TBCD: variants seen among roughly 807,000 people sequenced by gnomAD.
TBCD encodes tubulin-specific chaperone D.
TBCD carries 105 observed loss-of-function variants against 169.3 expected under a neutral mutation model. The observed-to-expected ratio is 0.62, with a 90% CI of 0.53 to 0.73. TBCD has a LOEUF of 0.73. TBCD is among the 30% of genes least tolerant of loss of function. TBCD has a pLI of 0.00. For missense variants in TBCD, 1,444 were observed against 1,600.1 expected (o/e 0.90, Z 1.66); for synonymous variants, 700 against 643.9 (o/e 1.09, Z -1.32).
In TBCD at chr17:82,772,855, G is replaced by T. The variant is rs768328625; in HGVS notation, c.638+348G>T. ...GAAACATCTCGGGCCGTCTCCCATG[G>T]AGATGATGGGTGGTGTTGGGCCTCT... On this transcript the variant is annotated intron_variant, in intron 6 of 38. Transcript: ENST00000355528. Among the ~76,000 whole-genome samples the T allele has an allele frequency of 2.3e-3, 357 of 152,250 alleles. 4 individuals carry two copies. The highest frequency in any genetic ancestry group is 1.3e-3 in the Non-Finnish European group (86 of 68,022).
intron 10 of TBCD, among the ~76,000 whole-genome samples, chr17:82,807,159 T>C (rs916745069): frequency 6.6e-6 from 1 of 152,234 alleles, no homozygotes; most frequent in Non-Finnish European, 1.5e-5. Flanking sequence ...CCTCCCTGCA[T>C]CCTCTAGGCT....
chr17:82,757,888 G>C (rs1021828409), intron 2 of TBCD, among the ~76,000 whole-genome samples: 1 of 152,058 alleles, frequency 6.6e-6, no homozygotes. Flanking sequence ...GTGTGTGAGC[G>C]CTGGTTCCCA....
chr17:82,824,531 G>A (rs2052677592), intron 13 of TBCD, among the ~76,000 whole-genome samples: 1 of 152,072 alleles, frequency 6.6e-6, no homozygotes, highest in African/African-American at 2.4e-5. Context: ...GTCCAGGCTG[G>A]AGTGCAGTGG....
chr17:82,919,526 A>G lies in TBCD; in HGVS notation c.2039-1030A>G, dbSNP rs1162363361. ...GACGAGGTAAAGGATCCAGTATGAA[A>G]TGGGGCAGAGCAGACGTGTGGGCAT... On this transcript the variant is annotated intron_variant, in intron 23 of 38. Transcript: ENST00000355528. 3.9e-5 allele frequency among the ~76,000 whole-genome samples: 6 copies of G among 152,094 alleles called. No homozygotes were observed. The East Asian group carries it at 1.2e-3, about 29-fold the overall frequency.
intron 7 of TBCD, among the ~76,000 whole-genome samples, chr17:82,790,460 T>A (rs1350733736): frequency 6.6e-6 from 1 of 152,190 alleles, no homozygotes; most frequent in Non-Finnish European, 1.5e-5. Context: ...GGGCTCAGGC[T>A]GTGGCCCACG....
chr17:82,812,463 A>C (rs1011303067), intron 12 of TBCD, among the ~76,000 whole-genome samples: 11 of 152,152 alleles, frequency 7.2e-5, no homozygotes, highest in Non-Finnish European at 1.2e-4. Context: ...CCCAGACCCC[A>C]GAGCCCCCCC....
chr17:82,944,890 A>T lies in TBCD; in HGVS notation c.*2427A>T, dbSNP rs1284118367. The T allele has an allele frequency of 2.6e-5, 4 of 152,186 alleles. No individual in the cohort carries two copies. Among genetic ancestry groups the T allele is most frequent in the African/African-American group, 9.7e-5 (4 of 41,444 alleles). The allele number at this position is 152,186 out of a possible 1,614,324, so 9.4% of individuals were successfully genotyped here. On this transcript the variant is annotated 3_prime_UTR_variant, in exon 39 of 39. Coordinates refer to ENST00000355528, the MANE Select transcript of TBCD (RefSeq NM_005993.5). Reference sequence around the variant, plus strand: ...ACTATATAAAGCTGGGACCCTAAATAAGTCTTTTTCAAAGGAACAGCAGCA... The same window carrying T: ...ACTATATAAAGCTGGGACCCTAAATTAGTCTTTTTCAAAGGAACAGCAGCA...
rs1162673347 is a variant in TBCD at position 82,907,763 on chromosome 17, C to T, written c.1925C>T (p.Pro642Leu). The T allele has an allele frequency of 6.2e-7, 1 of 1,613,728 alleles. No homozygotes were observed. The highest frequency in any genetic ancestry group is 8.5e-7 in the Non-Finnish European group (1 of 1,179,788). ...LYKLAAQENR[P>L]VTDHLDEQAV... ...GCTCTGTGTTTGAACTTCTGCAGGC[C>T]CGTCACGGACCATCTGGACGAGCAG... Residue 642 changes from proline to leucine, a missense_variant and splice_region_variant, in exon 21 of 39, where the codon CCC becomes CTC. Transcript: ENST00000355528.
chr17:82,893,232 G>A (rs1182647894), intron 16 of TBCD: 9 of 379,650 alleles, frequency 2.4e-5, no homozygotes, highest in Admixed American at 9.0e-5. Flanking sequence ...CCTGAAGACC[G>A]TTTACGGTGT....
chr17:82,779,290 C>T (rs1281482926), intron 6 of TBCD, among the ~76,000 whole-genome samples: 1 of 152,114 alleles, frequency 6.6e-6, no homozygotes, highest in Non-Finnish European at 1.5e-5. Context: ...GGGCTTGAGC[C>T]ACTGCGCCTG....
At chr17:82,868,942 G>GTGC (rs1309971846) in intron 13 of TBCD, among the ~76,000 whole-genome samples, 1 of 152,166 alleles carries the variant, frequency 6.6e-6, no homozygotes, top group Non-Finnish European at 1.5e-5. Flanking sequence ...ACCCTGGCGT[G>GTGC]TGCGTGGAGC....
At chr17:82,862,016 A>G (rs1024147696) in intron 13 of TBCD, among the ~76,000 whole-genome samples, 10 of 150,988 alleles carry the variant, frequency 6.6e-5, no homozygotes, top group African/African-American at 2.4e-4. Flanking sequence ...TCCGCCTCCC[A>G]GGTTCACGCC....
Position 82,945,390 on chromosome 17 carries a change from C to G in TBCD, c.*2927C>G, listed in dbSNP as rs1232286411. 2.0e-5 allele frequency: 3 copies of G among 152,204 alleles called. No homozygotes were observed. Among genetic ancestry groups the G allele is most frequent in the Non-Finnish European group, 4.4e-5 (3 of 68,040 alleles). 9.4% of individuals were successfully genotyped at this position (152,204 alleles called of 1,614,324 possible). ...TCCCCAGATACAGAAGCCTAACAGT[C>G]TCACATTTAGACCTGCCACAGTGAA... On this transcript the variant is annotated 3_prime_UTR_variant, in exon 39 of 39. Transcript: ENST00000355528.
intron 13 of TBCD, among the ~76,000 whole-genome samples, chr17:82,863,391 A>G (rs1481674665): frequency 6.6e-6 from 1 of 152,192 alleles, no homozygotes; most frequent in African/African-American, 2.4e-5. Flanking sequence ...TTCAGTGATG[A>G]GGGTGGCCAG....
chr17:82,801,217 G>A (rs547495428), intron 9 of TBCD, among the ~76,000 whole-genome samples: 1 of 152,310 alleles, frequency 6.6e-6, no homozygotes, highest in East Asian at 1.9e-4. Flanking sequence ...AGGGCAGGCC[G>A]AGCCGTAGGT....
chr17:82,752,131 G>C lies in TBCD; in HGVS notation c.-63G>C. The C allele has an allele frequency of 7.0e-7, 1 of 1,419,202 alleles. No homozygotes were observed. The highest frequency in any genetic ancestry group is 9.2e-7 in the Non-Finnish European group (1 of 1,087,870). 87.9% of individuals were successfully genotyped at this position (1,419,202 alleles called of 1,614,324 possible). A position where few individuals can be genotyped will look rare whatever the true frequency, so the allele number is the denominator to read the frequency against. On this transcript the variant is annotated 5_prime_UTR_variant, in exon 1 of 39. Coordinates refer to ENST00000355528, the MANE Select transcript of TBCD (RefSeq NM_005993.5). Reference sequence around the variant, plus strand: ...CCCTCATCCTTCATCCCTGGCTTTCGCGCTCTAGCGGAGTGGGATCTGCGA... The same window carrying C: ...CCCTCATCCTTCATCCCTGGCTTTCCCGCTCTAGCGGAGTGGGATCTGCGA...
Position 82,874,331 on chromosome 17 carries a change from C to T in TBCD, c.1475+3951C>T, listed in dbSNP as rs1024882062. Among the ~76,000 whole-genome samples the T allele has an allele frequency of 1.3e-5, 2 of 152,078 alleles. No homozygotes were observed. The highest frequency in any genetic ancestry group is 1.3e-4 in the Admixed American group (2 of 15,258). ...GCCTGGACTGCACAGCCAGGGCCTC[C>T]CCGGCATGTGGCGGGGCCAGCGTTG... On this transcript the variant is annotated intron_variant, in intron 14 of 38. Transcript: ENST00000355528. This position sits in a 1 kb window ranked among gnomAD's most constrained non-coding sequence, Gnocchi z 5.0.
chr17:82,935,459 C>T (rs1177008462), intron 34 of TBCD, among the ~76,000 whole-genome samples: 3 of 152,144 alleles, frequency 2.0e-5, no homozygotes, highest in Non-Finnish European at 2.9e-5. Flanking sequence ...TTTCCCTGTG[C>T]TGCGTTCCCA....
At position 82,937,604 on chromosome 17, in the gene TBCD, TG is replaced by T. The variant is rs1336482033; in HGVS notation, c.3281+246del. 3.3e-5 allele frequency: 20 copies of T among 597,662 alleles called. No homozygotes were observed. In the African/African-American group the frequency reaches 3.5e-4, roughly 10 times the overall value. 37.0% of individuals were successfully genotyped at this position (597,662 alleles called of 1,614,324 possible). A position where few individuals can be genotyped will look rare whatever the true frequency, so the allele number is the denominator to read the frequency against. ...CCTCTGCTGCCCTCGCGCTCTGCCC[TG>T]GCGGGAGGGGAGGCTCCGGAAAGGA... On this transcript the variant is annotated intron_variant, in intron 35 of 38. Coordinates refer to ENST00000355528, the MANE Select transcript of TBCD (RefSeq NM_005993.5).
Sources: gnomAD v4.1 joint callset for allele counts (sites outside exome capture counted in the v4.1 genomes callset) on GRCh38, gnomAD v4.1.1 for gene constraint, Gnocchi (gnomAD v3.1) non-coding constraint, MANE v1.5 for transcripts, NCBI Gene and HGNC (gene_info 2026-07-23, HGNC 2026-07-21) for gene names.